Variants in PDE6C observed in about 807,000 individuals in gnomAD.
PDE6C encodes the protein phosphodiesterase 6C.
In PDE6C, 75 loss-of-function variants were observed where a neutral mutation model predicts 113.1. The ratio of observed to expected loss-of-function variants is 0.66; its 90% CI spans 0.55 to 0.80. The LOEUF (loss-of-function observed/expected upper bound fraction) is 0.80. PDE6C is among the 30% of genes least tolerant of loss of function. The probability of loss-of-function intolerance (pLI) is 0.00; values close to 1 mark genes in which losing one functional copy is unlikely to be tolerated. For synonymous variants in PDE6C, 375 were observed against 363.7 expected (o/e 1.03, Z -0.35); for missense variants, 912 against 1,038.6 (o/e 0.88, Z 1.67).
chr10:93,614,442 C>T (rs1020350110), intron 1 of PDE6C, among the ~76,000 whole-genome samples: 2 of 152,152 alleles, frequency 1.3e-5, no homozygotes, highest in East Asian at 1.9e-4. Flanking sequence ...GTTAAGTTTG[C>T]TTTTGAGCCT....
At chr10:93,663,291 G>A (rs566565939) in intron 21 of PDE6C, 113 bp downstream of exon 21, 3 of 1,034,432 alleles carry the variant, frequency 2.9e-6, no homozygotes, top group South Asian at 1.4e-5. Flanking sequence ...TGCTTTACTG[G>A]TGCAGACTGA....
chr10:93,660,732 G>A (rs1156744630), intron 18 of PDE6C, among the ~76,000 whole-genome samples: 2 of 152,068 alleles, frequency 1.3e-5, no homozygotes, highest in East Asian at 1.9e-4. Context: ...CTTTATCGAT[G>A]AGGTCACCCA....
intron 15 of PDE6C, among the ~76,000 whole-genome samples, chr10:93,646,525 T>C (rs528276389): frequency 6.6e-6 from 1 of 152,224 alleles, no homozygotes; most frequent in South Asian, 2.1e-4. Flanking sequence ...AAAATAGGTT[T>C]AATTCACTCC....
At chr10:93,630,263 A>T (rs1456222696) in intron 8 of PDE6C, among the ~76,000 whole-genome samples, 1 of 151,718 alleles carries the variant, frequency 6.6e-6, no homozygotes, top group Non-Finnish European at 1.5e-5. Flanking sequence ...ACTCTACCTG[A>T]CCCACTTCTC....
At chr10:93,614,334 CA>C (rs1564794383) in intron 1 of PDE6C, among the ~76,000 whole-genome samples, 2 of 152,158 alleles carry the variant, frequency 1.3e-5, no homozygotes, top group African/African-American at 4.8e-5. Flanking sequence ...TGACTCTCTG[CA>C]AACAACCACA....
intron 17 of PDE6C, 47 bp downstream of exon 17, chr10:93,659,055 C>A (rs747461529): frequency 4.1e-5 from 65 of 1,570,590 alleles, no homozygotes; most frequent in Non-Finnish European, 5.5e-5. Flanking sequence ...GTAAAAATAA[C>A]TTATTTTGTA....
intron 18 of PDE6C, among the ~76,000 whole-genome samples, chr10:93,659,512 G>A (rs190961510): frequency 1.1e-4 from 17 of 152,256 alleles, no homozygotes; most frequent in African/African-American, 4.1e-4. Context: ...AAGGAAAGAG[G>A]TTTAATGAAC....
chr10:93,613,152 G>C lies in PDE6C; in HGVS notation c.427G>C (p.Val143Leu), dbSNP rs879202598. 3 of 1,613,944 alleles carry C rather than the reference G, an allele frequency of 1.9e-6. No homozygotes were observed. The highest frequency in any genetic ancestry group is 1.3e-5 in the African/African-American group (1 of 74,936). The stretch of plus-strand genomic sequence containing the variant: ...TGTGTTTCCATTGGACATTGGGATA[G>C]TGGGTTGGGCTGCTCACACGAAGAA... ...EVVFPLDIGI[V>L]GWAAHTKKTH... is the part of the protein sequence containing the mutation. Residue 143 changes from valine (V) to leucine (L), a missense_variant, in exon 1 of 22, where the codon GTG becomes CTG. Coordinates refer to ENST00000371447, the MANE Select transcript of PDE6C (RefSeq NM_006204.4).
At chr10:93,640,044 G>C in intron 11 of PDE6C, 26 bp from the exon 12 acceptor site, 1 of 1,613,712 alleles carries the variant, frequency 6.2e-7, no homozygotes, top group Non-Finnish European at 8.5e-7. Context: ...AATGTAATCT[G>C]AAACAACCCA....
At chr10:93,614,416 A>T (rs1396617751) in intron 1 of PDE6C, among the ~76,000 whole-genome samples, 1 of 152,158 alleles carries the variant, frequency 6.6e-6, no homozygotes, top group African/African-American at 2.4e-5. Context: ...TCCTCCTTTC[A>T]GTAAGTTTAA....
chr10:93,650,269 T>A (rs2058603747), intron 15 of PDE6C, among the ~76,000 whole-genome samples: 1 of 152,152 alleles, frequency 6.6e-6, no homozygotes, highest in African/African-American at 2.4e-5. Context: ...TTTTTAGAGA[T>A]GGGGTCTTGC....
intron 15 of PDE6C, 144 bp downstream of exon 15, chr10:93,646,191 T>C (rs2058583652): frequency 1.6e-6 from 1 of 626,726 alleles, no homozygotes; most frequent in African/African-American, 1.8e-5. Flanking sequence ...TAGAAATTGC[T>C]ATATTGAACT....
intron 14 of PDE6C, 107 bp from the exon 15 acceptor site, chr10:93,645,853 A>T (rs749442833): frequency 1.6e-5 from 12 of 728,830 alleles, no homozygotes; most frequent in Non-Finnish European, 3.0e-5. Flanking sequence ...CTTCACAGAT[A>T]ATTGAGTGAG....
At chr10:93,626,093 G>C (rs1239367639) in intron 5 of PDE6C, among the ~76,000 whole-genome samples, 1 of 152,158 alleles carries the variant, frequency 6.6e-6, no homozygotes, top group East Asian at 1.9e-4. Flanking sequence ...ATTGTGTCCA[G>C]GCCTCAGATT....
At chr10:93,634,655 C>T (rs1257478166) in intron 8 of PDE6C, 103 bp from the exon 9 acceptor site, 3 of 1,211,080 alleles carry the variant, frequency 2.5e-6, no homozygotes, top group East Asian at 5.0e-5. Flanking sequence ...GTGAAGGGTA[C>T]CTGAAATCTC....
At chr10:93,658,684 CTCTCTCTG>C (rs991270530) in intron 16 of PDE6C, among the ~76,000 whole-genome samples, 11 of 146,718 alleles carry the variant, frequency 7.5e-5, no homozygotes, top group African/African-American at 2.3e-4. Context: ...CTCTCTCTCT[CTCTCTCTG>C]TATGGTTTGT....
chr10:93,653,551 G>A lies in PDE6C; in HGVS notation c.1936-2209G>A, dbSNP rs193120711. On this transcript the variant is annotated intron_variant, in intron 15 of 21. Transcript: ENST00000371447. ...CCCAGCTATTTGGGAGGCTGAGGCA[G>A]GAGAATCGCTTGAACCCAGGAGGCA... Among the ~76,000 whole-genome samples the A allele has an allele frequency of 7.3e-3, 1,115 of 152,188 alleles. 14 individuals are homozygous for A. Among genetic ancestry groups the A allele is most frequent in the African/African-American group, 0.026 (1,077 of 41,524 alleles).
intron 14 of PDE6C, 97 bp downstream of exon 14, chr10:93,641,126 A>G (rs2058557809): frequency 1.3e-6 from 1 of 756,818 alleles, no homozygotes; most frequent in Non-Finnish European, 2.4e-6. Flanking sequence ...GGCCCAGTCA[A>G]TGCCTCTTTG....
intron 13 of PDE6C, 107 bp downstream of exon 13, chr10:93,640,664 G>A (rs921512390): frequency 9.2e-6 from 8 of 871,434 alleles, no homozygotes; most frequent in African/African-American, 4.9e-5. Flanking sequence ...TAAAAATTCA[G>A]GGCACAAACC....
Sources: allele counts gnomAD v4.1 joint callset (sites outside exome capture counted in the v4.1 genomes callset), GRCh38; gene constraint gnomAD v4.1.1; transcripts MANE v1.5; gene names NCBI Gene and HGNC (gene_info 2026-07-23, HGNC 2026-07-21).